The following MARS1 variants were observed in gnomAD, a reference collection of about 807,000 sequenced individuals.
The protein encoded by MARS1 is methionine--tRNA ligase, cytoplasmic.
A neutral mutation model predicts 119.5 loss-of-function variants in MARS1; 80 were observed. The observed-to-expected ratio is 0.67, with a 90% CI of 0.56 to 0.81. MARS1 has a LOEUF of 0.81. Ranked by LOEUF, MARS1 falls within the 30% of genes least tolerant of loss-of-function variation. The pLI is 0.00. For synonymous variants in MARS1, 418 were observed against 433.4 expected (o/e 0.96, Z 0.44); for missense variants, 945 against 1,116.5 (o/e 0.85, Z 2.19).
At chr12:57,503,273 G>A (rs959979177) in intron 10 of MARS1, among the ~76,000 whole-genome samples, 2 of 118,236 alleles carry the variant, frequency 1.7e-5, no homozygotes, top group African/African-American at 6.5e-5. Context: ...TGCTCTTGTT[G>A]CCCGGGCTGG....
Position 57,498,425 on chromosome 12 carries a change from C to G in MARS1, c.893C>G (p.Ser298Cys), listed in dbSNP as rs752413961. 1.9e-6 allele frequency: 3 copies of G among 1,613,654 alleles called. No individual in the cohort carries two copies. In the East Asian group the frequency reaches 6.7e-5, roughly 36 times the overall value. Reference protein sequence around the residue: ...VLSADVFARYSRLRQWNTLYL... With the variant: ...VLSADVFARYCRLRQWNTLYL... ...ATCACCATATTCCCTTGCAGGTACT[C>G]TCGCCTCCGCCAGTGGAACACCCTC... is the stretch of plus-strand genomic sequence containing the variant. Residue 298 changes from serine to cysteine, a missense_variant, in exon 9 of 21, where the codon TCT becomes TGT. Transcript: ENST00000262027.
Position 57,494,041 on chromosome 12 carries a change from C to T in MARS1, c.770+3397C>T, listed in dbSNP as rs776067310. Among the ~76,000 whole-genome samples the T allele has an allele frequency of 7.6e-4, 106 of 139,826 alleles. 1 individual carries two copies. The highest frequency in any genetic ancestry group is 3.8e-3 in the Middle Eastern group (1 of 264). 91.7% of individuals were successfully genotyped at this position (139,826 alleles called of 152,430 possible). ...CGTGATCTCAGCTCACTGTAACCTCCGCCTCCCAGGTTCAAGTGATTCTCC... is the reference window on the plus strand; with the variant it reads ...CGTGATCTCAGCTCACTGTAACCTCTGCCTCCCAGGTTCAAGTGATTCTCC... On this transcript the variant is annotated intron_variant, in intron 7 of 20. Transcript: ENST00000262027.
intron 11 of MARS1, among the ~76,000 whole-genome samples, chr12:57,506,743 T>A (rs532251772): frequency 6.7e-6 from 1 of 149,320 alleles, no homozygotes; most frequent in Non-Finnish European, 1.5e-5. Flanking sequence ...GTGTTGTGAT[T>A]TCAGCTCACT....
rs1565641328 is a variant in MARS1 at position 57,493,836 on chromosome 12, T to TTATATTA, written c.770+3196_770+3197insTTATATA. ...TATATTATATATATTATATTATATA[T>TTATATTA]TATAATATATAATATATATATTTAT... On this transcript the variant is annotated intron_variant, in intron 7 of 20. Transcript: ENST00000262027. Among the ~76,000 whole-genome samples, 3 of 706 alleles carry TTATATTA rather than the reference T, an allele frequency of 4.2e-3. 1 individual carries two copies. Among genetic ancestry groups the TTATATTA allele is most frequent in the African/African-American group, 6.3e-3 (3 of 478 alleles). 0.5% of individuals were successfully genotyped at this position (706 alleles called of 152,430 possible).
At chr12:57,491,134 A>G (rs1875931861) in intron 7 of MARS1, among the ~76,000 whole-genome samples, 1 of 151,508 alleles carries the variant, frequency 6.6e-6, no homozygotes, top group South Asian at 2.1e-4. Flanking sequence ...TGGCCTCCCA[A>G]AGTGCTGGGA....
chr12:57,514,669 A>T, intron 15 of MARS1, 51 bp from the exon 16 acceptor site: 1 of 1,610,086 alleles, frequency 6.2e-7, no homozygotes, highest in South Asian at 1.1e-5. Flanking sequence ...AGGAGACGGG[A>T]TAATAACTTC....
Position 57,512,229 on chromosome 12 carries a change from C to A in MARS1, c.1636-7C>A. On this transcript the variant is annotated splice_polypyrimidine_tract_variant and splice_region_variant and intron_variant, in intron 13 of 20. Coordinates refer to ENST00000262027, the MANE Select transcript of MARS1 (RefSeq NM_004990.4). Reference sequence around the variant, plus strand: ...TCAGGAAATCTCTCCTAACCACATTCCCCTAGGTGGACCTGTATCAGTTCA... The same window carrying A: ...TCAGGAAATCTCTCCTAACCACATTACCCTAGGTGGACCTGTATCAGTTCA... 6.2e-7 allele frequency: 1 copy of A among 1,611,654 alleles called. No homozygotes were observed. The highest frequency in any genetic ancestry group is 8.5e-7 in the Non-Finnish European group (1 of 1,177,774).
At position 57,512,168 on chromosome 12, in the gene MARS1, G is replaced by A. The variant is rs761731994; in HGVS notation, c.1635+65G>A. The stretch of plus-strand genomic sequence containing the variant: ...GCGGTAGGGTGTGGGTGTTAGGGTT[G>A]GGTGTCTGGTCTTCCTTGGGCCTTT... On this transcript the variant is annotated intron_variant, in intron 13 of 20. Transcript: ENST00000262027. The A allele has an allele frequency of 3.8e-6, 6 of 1,598,516 alleles. No homozygotes were observed. The East Asian group carries it at 1.3e-4, about 36-fold the overall frequency.
chr12:57,502,146 G>A (rs1876945828), intron 10 of MARS1, among the ~76,000 whole-genome samples: 1 of 152,316 alleles, frequency 6.6e-6, no homozygotes, highest in Admixed American at 6.5e-5. Flanking sequence ...ACTCCACGGA[G>A]TTGGATAGAC....
At chr12:57,492,457 A>T (rs1876023114) in intron 7 of MARS1, among the ~76,000 whole-genome samples, 1 of 151,132 alleles carries the variant, frequency 6.6e-6, no homozygotes, top group Non-Finnish European at 1.5e-5. Flanking sequence ...ATCACCTGAG[A>T]TCAGCAGTTC....
At chr12:57,503,203 A>C in intron 10 of MARS1, among the ~76,000 whole-genome samples, 1 of 151,906 alleles carries the variant, frequency 6.6e-6, no homozygotes, top group African/African-American at 2.4e-5. Context: ...CACACAAATA[A>C]ATTTATTTTG....
intron 11 of MARS1, 55 bp downstream of exon 11, chr12:57,504,354 G>C (rs1217736001): frequency 2.2e-5 from 31 of 1,377,922 alleles, no homozygotes; most frequent in Admixed American, 3.4e-5. Flanking sequence ...TGTCCCCTCT[G>C]CCTTAGCCAC....
In MARS1 at chr12:57,489,050, G is replaced by A. The variant is rs373226777; in HGVS notation, c.141G>A (p.Lys47=). 1.3e-5 allele frequency: 21 copies of A among 1,613,864 alleles called. No individual in the cohort carries two copies. The highest frequency in any genetic ancestry group is 9.3e-6 in the Non-Finnish European group (11 of 1,179,980). Reference sequence around the variant, plus strand: ...TGGTCCCGTTCCTGACCCGGCCTAAGGTCCCTGTCTTGCAGCTGGATAGCG... The same window carrying A: ...TGGTCCCGTTCCTGACCCGGCCTAAAGTCCCTGTCTTGCAGCTGGATAGCG... ...DCVVPFLTRP[K]VPVLQLDSGN... Residue 47 remains lysine (K), a synonymous_variant, in exon 2 of 21, where the codon AAG becomes AAA. Transcript: ENST00000262027.
At chr12:57,513,692 C>G (rs548763744) in intron 15 of MARS1, among the ~76,000 whole-genome samples, 1 of 151,008 alleles carries the variant, frequency 6.6e-6, no homozygotes, top group Non-Finnish European at 1.5e-5. Flanking sequence ...CACATTCTAT[C>G]ATTGGTGCCT....
chr12:57,500,252 A>G (rs1876856222), intron 9 of MARS1, 69 bp from the exon 10 acceptor site: 1 of 1,300,584 alleles, frequency 7.7e-7, no homozygotes, highest in Non-Finnish European at 1.1e-6. Flanking sequence ...CCCTGGTTGG[A>G]GTGGCAGGAG....
chr12:57,504,342 T>A, intron 11 of MARS1, 43 bp downstream of exon 11: 2 of 1,466,776 alleles, frequency 1.4e-6, no homozygotes, highest in Non-Finnish European at 1.9e-6. Flanking sequence ...GGAGGCCTCT[T>A]CTGTCCCCTC....
At chr12:57,497,961 C>T (rs368344986) in intron 7 of MARS1, among the ~76,000 whole-genome samples, 196 bp from the exon 8 acceptor site, 7 of 152,114 alleles carry the variant, frequency 4.6e-5, no homozygotes, top group African/African-American at 1.7e-4. Flanking sequence ...TGTGGCAGTG[C>T]CCTGTATTTG....
chr12:57,515,272 C>T lies in MARS1; in HGVS notation c.2327C>T (p.Pro776Leu), dbSNP rs753342469. 5.0e-6 allele frequency: 8 copies of T among 1,613,886 alleles called. No individual in the cohort carries two copies. In the South Asian group the frequency reaches 7.7e-5, roughly 16 times the overall value. ...TIQAQLQLPP[P>L]ACSILLTNFL... ...CAGGCCCAGCTGCAGCTCCCACCTC[C>T]AGCCTGCAGTATCCTGCTGACAAAC... The change falls in exon 18 of 21, where the codon CCA (proline) becomes CTA (leucine). Residue 776 changes from proline to leucine, a missense_variant. Physicochemically the swap from Pro to Leu is moderately conservative, Grantham distance 98. Transcript: ENST00000262027.
chr12:57,508,827 G>A (rs1343261994), intron 11 of MARS1, among the ~76,000 whole-genome samples: 1 of 152,174 alleles, frequency 6.6e-6, no homozygotes, highest in Non-Finnish European at 1.5e-5. Context: ...CTCCCAAAGT[G>A]CTGGGATTAC....
Sources: gnomAD v4.1 joint callset for allele counts (sites outside exome capture counted in the v4.1 genomes callset) on GRCh38, gnomAD v4.1.1 for gene constraint, MANE v1.5 for transcripts, NCBI Gene and HGNC (gene_info 2026-07-23, HGNC 2026-07-21) for gene names.